CNTNAP2: variants seen among roughly 807,000 people sequenced by gnomAD.
CNTNAP2 encodes the protein contactin associated protein 2.
Under a neutral mutation model 155.2 loss-of-function variants are expected in CNTNAP2, and 98 were observed. That is an observed-to-expected ratio of 0.63 (90% CI 0.54 to 0.75). CNTNAP2 has a LOEUF of 0.75. Ranked by LOEUF, CNTNAP2 falls within the 30% of genes least tolerant of loss-of-function variation. The pLI is 0.00. For synonymous variants in CNTNAP2, 651 were observed against 631.2 expected (o/e 1.03, Z -0.47); for missense variants, 1,727 against 1,688.1 (o/e 1.02, Z -0.40).
At chr7:146,480,115 A>G (rs921955178) in intron 1 of CNTNAP2, among the ~76,000 whole-genome samples, 7 of 152,206 alleles carry the variant, frequency 4.6e-5, no homozygotes, top group African/African-American at 1.7e-4. Flanking sequence ...TCTGGGAATG[A>G]GGTAATGATA....
At chr7:146,311,675 GAGAA>G (rs1224585498) in intron 1 of CNTNAP2, 2 of 145,210 alleles carry the variant, frequency 1.4e-5, no homozygotes, top group African/African-American at 5.2e-5. Context: ...AGAAAGGAAA[GAGAA>G]AGAAAAGAAG....
intron 13 of CNTNAP2, among the ~76,000 whole-genome samples, chr7:147,659,115 C>T (rs1795575572): frequency 6.6e-6 from 1 of 152,112 alleles, no homozygotes; most frequent in South Asian, 2.1e-4. Flanking sequence ...ATTTCCTTTC[C>T]AAAGAGTAGA....
intron 13 of CNTNAP2, among the ~76,000 whole-genome samples, chr7:147,876,765 T>C (rs1487257870): frequency 6.6e-6 from 1 of 152,012 alleles, no homozygotes; most frequent in East Asian, 1.9e-4. Context: ...ATTGGTGTGA[T>C]GTTTAGTTTG....
At chr7:146,574,620 G>T (rs1329913760) in intron 1 of CNTNAP2, among the ~76,000 whole-genome samples, 2 of 152,138 alleles carry the variant, frequency 1.3e-5, no homozygotes, top group African/African-American at 4.8e-5. Context: ...AGAATTGCTT[G>T]AACCTGGGAG....
chr7:147,232,440 T>C (rs1158996384), intron 8 of CNTNAP2, among the ~76,000 whole-genome samples: 1 of 152,210 alleles, frequency 6.6e-6, no homozygotes, highest in African/African-American at 2.4e-5. Flanking sequence ...TTTCAAATTA[T>C]GTTACAAGAC....
chr7:147,799,131 A>G (rs1797949484), intron 13 of CNTNAP2, among the ~76,000 whole-genome samples: 1 of 152,226 alleles, frequency 6.6e-6, no homozygotes, highest in Non-Finnish European at 1.5e-5. Context: ...TTCTGCCCTT[A>G]TCTCAGCAGT....
At chr7:148,280,884 A>C (rs1047596789) in intron 21 of CNTNAP2, among the ~76,000 whole-genome samples, 5 of 151,726 alleles carry the variant, frequency 3.3e-5, no homozygotes. Flanking sequence ...ACACCACTGG[A>C]CTCCAGCCTG....
intron 1 of CNTNAP2, among the ~76,000 whole-genome samples, chr7:146,497,058 T>A (rs1022276050): frequency 7.2e-5 from 11 of 152,198 alleles, no homozygotes; most frequent in African/African-American, 2.7e-4. Flanking sequence ...CCCTGTTTTA[T>A]TGTGTTCATT....
At chr7:148,047,168 G>A (rs528295419) in intron 15 of CNTNAP2, among the ~76,000 whole-genome samples, 4 of 152,156 alleles carry the variant, frequency 2.6e-5, no homozygotes, top group Admixed American at 2.0e-4. Flanking sequence ...AATTATGGTC[G>A]ACGCTCATTA....
In CNTNAP2 at chr7:147,251,325, T is replaced by C. The variant is rs949184048; in HGVS notation, c.1349-48816T>C. On this transcript the variant is annotated intron_variant, in intron 8 of 23. Coordinates refer to ENST00000361727, the MANE Select transcript of CNTNAP2 (RefSeq NM_014141.6). Reference sequence around the variant, plus strand: ...GGACCACCTGGATCAGGACGAGGCATTGTTTGGTCCACATTGCTCTCTCTG... The same window carrying C: ...GGACCACCTGGATCAGGACGAGGCACTGTTTGGTCCACATTGCTCTCTCTG... 5.3e-5 allele frequency among the ~76,000 whole-genome samples: 8 copies of C among 152,268 alleles called. 1 individual carries two copies. The South Asian group carries it at 1.0e-3, about 20-fold the overall frequency.
At chr7:146,929,189 C>A (rs915362204) in intron 3 of CNTNAP2, among the ~76,000 whole-genome samples, 1 of 152,192 alleles carries the variant, frequency 6.6e-6, no homozygotes, top group Admixed American at 6.5e-5. Context: ...AGGCACCCCC[C>A]AGTAGGGGCA....
intron 15 of CNTNAP2, among the ~76,000 whole-genome samples, chr7:147,998,074 C>T (rs1445645743): frequency 6.8e-6 from 1 of 146,794 alleles, no homozygotes; most frequent in Non-Finnish European, 1.5e-5. Context: ...ACGGTTGCTG[C>T]GTCCTAAGAA....
intron 3 of CNTNAP2, among the ~76,000 whole-genome samples, chr7:146,857,146 C>T (rs1795006160): frequency 6.6e-6 from 1 of 151,872 alleles, no homozygotes; most frequent in African/African-American, 2.4e-5. Context: ...TGATATGCAA[C>T]TTATTCTCAC....
chr7:147,556,510 T>C (rs1452604005), intron 11 of CNTNAP2, among the ~76,000 whole-genome samples: 1 of 152,142 alleles, frequency 6.6e-6, no homozygotes, highest in African/African-American at 2.4e-5. Context: ...CTTTGTGTAA[T>C]GACAGAGCTC....
At chr7:147,367,060 G>T (rs1796244530) in intron 9 of CNTNAP2, among the ~76,000 whole-genome samples, 1 of 152,074 alleles carries the variant, frequency 6.6e-6, no homozygotes, top group African/African-American at 2.4e-5. Context: ...TTCACAACCA[G>T]CCTGGATGAC....
chr7:146,377,452 T>C (rs1227139021), intron 1 of CNTNAP2, among the ~76,000 whole-genome samples: 1 of 152,190 alleles, frequency 6.6e-6, no homozygotes, highest in Admixed American at 6.5e-5. Flanking sequence ...TATATACTGA[T>C]GACTATTAAG....
At chr7:146,163,375 A>G (rs910846833) in intron 1 of CNTNAP2, among the ~76,000 whole-genome samples, 6 of 151,118 alleles carry the variant, frequency 4.0e-5, no homozygotes, top group African/African-American at 1.2e-4. Context: ...GGAGTTCAAG[A>G]CCAGCCTGGC....
intron 12 of CNTNAP2, among the ~76,000 whole-genome samples, chr7:147,577,533 A>G (rs1282068844): frequency 6.6e-6 from 1 of 151,862 alleles, no homozygotes; most frequent in Non-Finnish European, 1.5e-5. Flanking sequence ...GTGTATACAA[A>G]GGCTTGTAGC....
intron 18 of CNTNAP2, among the ~76,000 whole-genome samples, chr7:148,186,300 A>G (rs1182648651): frequency 6.6e-6 from 1 of 152,260 alleles, no homozygotes; most frequent in Non-Finnish European, 1.5e-5. Context: ...ACATTCAGGC[A>G]TTGATATGAT....
Sources: allele counts gnomAD v4.1 joint callset (sites outside exome capture counted in the v4.1 genomes callset), GRCh38; gene constraint gnomAD v4.1.1; transcripts MANE v1.5; gene names NCBI Gene and HGNC (gene_info 2026-07-23, HGNC 2026-07-21).